The following SLC25A16 variants were observed in gnomAD, a reference collection of about 807,000 sequenced individuals.
The protein encoded by SLC25A16 is solute carrier family 25 member 16.
Under a neutral mutation model 41.5 loss-of-function variants are expected in SLC25A16, and 39 were observed. That is an observed-to-expected ratio of 0.94 (90% CI 0.73 to 1.23). SLC25A16 has a LOEUF of 1.23. SLC25A16 is among the 50% of genes most tolerant of loss of function. SLC25A16 has a pLI of 0.00. For synonymous variants in SLC25A16, 146 were observed against 147.8 expected (o/e 0.99, Z 0.09); for missense variants, 421 against 426.9 (o/e 0.99, Z 0.12).
At chr10:68,515,050 T>TC (rs1156565266) in intron 2 of SLC25A16, among the ~76,000 whole-genome samples, 37 of 145,430 alleles carry the variant, frequency 2.5e-4, no homozygotes, top group African/African-American at 8.7e-4. Context: ...AAGTCTTGAT[T>TC]TTTTTTTTTT....
chr10:68,483,458 T>TA lies in SLC25A16; in HGVS notation c.972dup (p.Met325TyrfsTer26). The TA allele has an allele frequency of 6.3e-7, 1 of 1,595,338 alleles. No individual in the cohort carries two copies. On this transcript the variant is annotated frameshift_variant, in exon 9 of 9. Coordinates refer to ENST00000609923, the MANE Select transcript of SLC25A16 (RefSeq NM_152707.4). LOFTEE classifies it high-confidence loss of function. ...TAGTTGAGGTGAAAAAACTGCTTCA[T>TA]AAGTTCGTATGTTGTAAAAGCCACT...
chr10:68,516,375 G>A (rs1313203579), intron 2 of SLC25A16, among the ~76,000 whole-genome samples: 1 of 151,976 alleles, frequency 6.6e-6, no homozygotes, highest in African/African-American at 2.4e-5. Flanking sequence ...GAAGGAGAAA[G>A]TAACCTGTGG....
rs2052806867 is a variant in SLC25A16, at chr10:68,499,604, A to G, written c.421+4028T>C. The G allele has an allele frequency of 2.5e-5, 8 of 320,894 alleles. No homozygotes were observed. In the Middle Eastern group the frequency reaches 4.9e-3, roughly 197 times the overall value. The allele number at this position is 320,894 out of a possible 1,614,324, so 19.9% of individuals were successfully genotyped here. Reference sequence around the variant, plus strand: ...AAGGCGTTTCAATGCAATATCCAACATTAGCAGGAAGATTATGTCTTCCCC... The same window carrying G: ...AAGGCGTTTCAATGCAATATCCAACGTTAGCAGGAAGATTATGTCTTCCCC... On this transcript the variant is annotated intron_variant, in intron 4 of 8. Coordinates refer to ENST00000609923, the MANE Select transcript of SLC25A16 (RefSeq NM_152707.4).
At chr10:68,504,543 C>T (rs188754725) in intron 3 of SLC25A16, among the ~76,000 whole-genome samples, 1 of 150,272 alleles carries the variant, frequency 6.7e-6, no homozygotes, top group Non-Finnish European at 1.5e-5. Context: ...TCACACCATT[C>T]TCCTGCCTCA....
rs1268085296 is a variant in SLC25A16, at chr10:68,479,190, T to C, written c.*4242A>G. The stretch of plus-strand genomic sequence containing the variant: ...TGCTTCATTTCTGCCTGCTAGAACA[T>C]AAAGTCTTCAAAAACAGGGACTAAC... On this transcript the variant is annotated 3_prime_UTR_variant, in exon 9 of 9. Coordinates refer to ENST00000609923, the MANE Select transcript of SLC25A16 (RefSeq NM_152707.4). 3.9e-5 allele frequency: 6 copies of C among 152,176 alleles called. No homozygotes were observed. The highest frequency in any genetic ancestry group is 1.4e-4 in the African/African-American group (6 of 41,448). The allele number at this position is 152,176 out of a possible 1,614,324, so 9.4% of individuals were successfully genotyped here. A position where few individuals can be genotyped will look rare whatever the true frequency, so the allele number is the denominator to read the frequency against.
At chr10:68,499,674 C>T in intron 4 of SLC25A16, 1 of 359,364 alleles carries the variant, frequency 2.8e-6, no homozygotes. Context: ...TGATCCATGC[C>T]CATCCGAAAG....
intron 4 of SLC25A16, chr10:68,496,616 A>G (rs1236825054): frequency 3.1e-6 from 3 of 983,226 alleles, no homozygotes; most frequent in Non-Finnish European, 3.6e-6. Context: ...AACTAAGGAC[A>G]TAAAGATAAA....
intron 2 of SLC25A16, among the ~76,000 whole-genome samples, chr10:68,507,964 C>T (rs1406811020): frequency 1.3e-5 from 2 of 152,204 alleles, no homozygotes; most frequent in Admixed American, 6.6e-5. Context: ...TGCGTGGTGG[C>T]TCATGCCTGT....
intron 2 of SLC25A16, among the ~76,000 whole-genome samples, chr10:68,513,303 G>C (rs1376898914): frequency 6.6e-6 from 1 of 150,978 alleles, no homozygotes; most frequent in Non-Finnish European, 1.5e-5. Flanking sequence ...CAGCTACATA[G>C]GAGGCTGACA....
chr10:68,488,195 C>G (rs1350251967), intron 7 of SLC25A16, among the ~76,000 whole-genome samples: 1 of 152,080 alleles, frequency 6.6e-6, no homozygotes, highest in Admixed American at 6.6e-5. Flanking sequence ...GTCTCCCAGA[C>G]TGGCCTCAAA....
chr10:68,499,545 C>T, intron 4 of SLC25A16: 2 of 223,724 alleles, frequency 8.9e-6, no homozygotes, highest in South Asian at 1.4e-4. Context: ...AAGTTCAATC[C>T]CTTTGTGACT....
intron 6 of SLC25A16, among the ~76,000 whole-genome samples, chr10:68,489,666 G>GCTGA (rs1313473336): frequency 1.3e-5 from 2 of 152,126 alleles, no homozygotes; most frequent in Admixed American, 6.6e-5. Context: ...ACTTTGGGAG[G>GCTGA]CTGAGGCAGG....
At chr10:68,499,122 G>C in intron 4 of SLC25A16, among the ~76,000 whole-genome samples, 1 of 152,126 alleles carries the variant, frequency 6.6e-6, no homozygotes. Flanking sequence ...AGGAGGGTTG[G>C]GGGAGAGAGA....
chr10:68,517,258 C>A, intron 1 of SLC25A16: 8 of 987,444 alleles, frequency 8.1e-6, no homozygotes, highest in Non-Finnish European at 9.6e-6. Context: ...AAGTAAACTC[C>A]TCTTCTTCTG....
chr10:68,509,719 A>C (rs9415906), intron 2 of SLC25A16, among the ~76,000 whole-genome samples: 4,876 of 143,266 alleles, frequency 0.034, 96 homozygotes, highest in Non-Finnish European at 0.044. Flanking sequence ...AAAAATCTAT[A>C]TATCTATCTA....
intron 1 of SLC25A16, 133 bp downstream of exon 1, chr10:68,527,113 C>G (rs2053349398): frequency 2.1e-6 from 2 of 932,534 alleles, no homozygotes; most frequent in Non-Finnish European, 3.1e-6. Flanking sequence ...TACAGCAGGT[C>G]AGGGCAGACA....
At position 68,519,880 on chromosome 10, in the gene SLC25A16, A is replaced by G. The variant is rs563270615; in HGVS notation, c.131-3037T>C. Reference sequence around the variant, plus strand: ...CAGTGAGCCGAGATCATGTCACTGCACTCCAGCCTGGGCGACAAGAACGAA... The same window carrying G: ...CAGTGAGCCGAGATCATGTCACTGCGCTCCAGCCTGGGCGACAAGAACGAA... On this transcript the variant is annotated intron_variant, in intron 1 of 8. Transcript: ENST00000609923. Among the ~76,000 whole-genome samples the G allele has an allele frequency of 2.0e-5, 3 of 150,830 alleles. No individual in the cohort carries two copies. In the South Asian group the frequency reaches 6.3e-4, roughly 32 times the overall value.
intron 8 of SLC25A16, among the ~76,000 whole-genome samples, chr10:68,483,850 G>A (rs1335095698): frequency 6.6e-6 from 1 of 152,062 alleles, no homozygotes; most frequent in African/African-American, 2.4e-5. Flanking sequence ...TTTTAGTAGA[G>A]ACGGGGTTTC....
intron 4 of SLC25A16, chr10:68,499,942 GA>G: frequency 1.8e-6 from 1 of 568,338 alleles, no homozygotes; most frequent in South Asian, 1.6e-5. Context: ...ATACAAGGAA[GA>G]AACAATTGAG....
Sources: gnomAD v4.1 joint callset for allele counts (sites outside exome capture counted in the v4.1 genomes callset) on GRCh38, gnomAD v4.1.1 for gene constraint, MANE v1.5 for transcripts, NCBI Gene and HGNC (gene_info 2026-07-23, HGNC 2026-07-21) for gene names.